ANO6: variants seen among roughly 807,000 people sequenced by gnomAD.
The protein encoded by ANO6 is anoctamin-6.
Under a neutral mutation model 117.5 loss-of-function variants are expected in ANO6, and 106 were observed. That is an observed-to-expected ratio of 0.90 (90% CI 0.77 to 1.06). ANO6 has a LOEUF of 1.06. ANO6 is among the 50% of genes least tolerant of loss of function. The probability of loss-of-function intolerance (pLI) is 0.00; values close to 1 mark genes in which losing one functional copy is unlikely to be tolerated. For missense variants in ANO6, 955 were observed against 1,121.1 expected (o/e 0.85, Z 2.12); for synonymous variants, 367 against 385.1 (o/e 0.95, Z 0.55).
chr12:45,357,371 A>G lies in ANO6; in HGVS notation c.945A>G (p.Val315=), dbSNP rs1414565021. The change falls in exon 8 of 20, where the codon GTA becomes GTG. Residue 315 remains valine, a synonymous_variant. Transcript: ENST00000320560. The part of the protein sequence containing the change: ...YTQMLLLAAV[V]GVACFLYGYL... ...AGATGCTTCTCCTGGCCGCAGTTGT[A>G]GGAGTGGCTTGCTTTCTCTATGGAT... 3 of 1,614,032 alleles carry G rather than the reference A, an allele frequency of 1.9e-6. No individual in the cohort carries two copies. Among genetic ancestry groups the G allele is most frequent in the Non-Finnish European group, 2.5e-6 (3 of 1,179,992 alleles).
rs1943632223 is a variant in ANO6 at position 45,431,522 on chromosome 12, G to A, written c.*2211G>A. 3.0e-6 allele frequency: 3 copies of A among 985,060 alleles called. No individual in the cohort carries two copies. In the African/African-American group the frequency reaches 5.3e-5, roughly 17 times the overall value. 61.0% of individuals were successfully genotyped at this position (985,060 alleles called of 1,614,324 possible). A position where few individuals can be genotyped will look rare whatever the true frequency, so the allele number is the denominator to read the frequency against. ...CTCTTCATAGATTAAATGTGCTGCT[G>A]TGGACAGGAGGGGAAAAAAAACCCT... is the stretch of plus-strand genomic sequence containing the variant. On this transcript the variant is annotated 3_prime_UTR_variant, in exon 20 of 20. Transcript: ENST00000320560.
chr12:45,220,169 A>G (rs1015747588), intron 1 of ANO6, among the ~76,000 whole-genome samples: 13 of 152,046 alleles, frequency 8.6e-5, no homozygotes, highest in Non-Finnish European at 1.8e-4. Flanking sequence ...GAAGGAGGAA[A>G]AGTGGTTCCA....
In ANO6 at chr12:45,375,120, TA is replaced by T. The variant is rs1941968439; in HGVS notation, c.1105-2929del. Among the ~76,000 whole-genome samples, 6 of 152,030 alleles carry T rather than the reference TA, an allele frequency of 3.9e-5. 1 individual carries two copies. On this transcript the variant is annotated intron_variant, in intron 9 of 19. Coordinates refer to ENST00000320560, the MANE Select transcript of ANO6 (RefSeq NM_001025356.3). ...CCATTCACAATTGCTTCAAAGAGAA[TA>T]AAATACCTAGGAATCCAACTTACAA...
Position 45,429,199 on chromosome 12 carries a change from C to A in ANO6, c.2621C>A (p.Thr874Asn). Residue 874 changes from threonine (T) to asparagine (N), a missense_variant, in exon 20 of 20, where the codon ACC becomes AAC. By Grantham distance (65) the Thr-to-Asn change is moderately conservative. Coordinates refer to ENST00000320560, the MANE Select transcript of ANO6 (RefSeq NM_001025356.3). ...KSKIQREKYL[T>N]QKLLHENHLK... ...AAGATCCAGAGAGAAAAATACCTAA[C>A]CCAAAAGCTTCTTCATGAGAATCAC... is the stretch of plus-strand genomic sequence containing the variant. The A allele has an allele frequency of 6.2e-7, 1 of 1,613,870 alleles. No individual in the cohort carries two copies. The highest frequency in any genetic ancestry group is 8.5e-7 in the Non-Finnish European group (1 of 1,179,916).
chr12:45,301,250 A>T (rs1008520034), intron 1 of ANO6, among the ~76,000 whole-genome samples: 3 of 2,144 alleles, frequency 1.4e-3, no homozygotes, highest in Non-Finnish European at 5.4e-3. Flanking sequence ...TTTTTTTTTA[A>T]AAACGTCTCT....
chr12:45,285,964 T>A (rs1156664597), intron 1 of ANO6, among the ~76,000 whole-genome samples: 2 of 152,134 alleles, frequency 1.3e-5, no homozygotes, highest in African/African-American at 4.8e-5. Context: ...TTAGTTAAGA[T>A]AGCCATTGCG....
At chr12:45,363,579 A>G (rs999844500) in intron 8 of ANO6, among the ~76,000 whole-genome samples, 4 of 150,872 alleles carry the variant, frequency 2.7e-5, no homozygotes, top group Admixed American at 6.6e-5. Flanking sequence ...AAAAAAAAAG[A>G]AAAAAGGGTG....
chr12:45,402,345 C>T (rs1161771013), intron 13 of ANO6, among the ~76,000 whole-genome samples: 2 of 152,150 alleles, frequency 1.3e-5, no homozygotes, highest in African/African-American at 4.8e-5. Context: ...GGAATAGGGT[C>T]ATGGTTCCGG....
intron 10 of ANO6, 138 bp downstream of exon 10, chr12:45,378,251 G>T (rs12230667): frequency 1.3e-6 from 1 of 795,246 alleles, no homozygotes; most frequent in Non-Finnish European, 2.0e-6. Context: ...ATAACTGAGG[G>T]CATTTATCAG....
intron 18 of ANO6, among the ~76,000 whole-genome samples, chr12:45,421,978 T>G (rs1212076995): frequency 2.0e-5 from 3 of 152,310 alleles, no homozygotes; most frequent in Admixed American, 2.0e-4. Context: ...CCTCAAAGCC[T>G]TCACTAACTC....
intron 1 of ANO6, among the ~76,000 whole-genome samples, chr12:45,225,992 A>G (rs984658215): frequency 6.6e-6 from 1 of 152,218 alleles, no homozygotes; most frequent in African/African-American, 2.4e-5. Flanking sequence ...TTGTCTTATG[A>G]CATTATTTTT....
intron 16 of ANO6, among the ~76,000 whole-genome samples, chr12:45,410,327 T>C (rs1362688588): frequency 1.3e-5 from 2 of 152,214 alleles, no homozygotes; most frequent in Non-Finnish European, 2.9e-5. Context: ...TTGAGTGACT[T>C]CATGGCTCAT....
intron 1 of ANO6, among the ~76,000 whole-genome samples, chr12:45,254,190 G>A (rs1937728980): frequency 6.6e-6 from 1 of 152,174 alleles, no homozygotes; most frequent in African/African-American, 2.4e-5. Flanking sequence ...CCATTCTTAC[G>A]AATGAGGAAG....
At chr12:45,393,756 G>A (rs1942525668) in intron 12 of ANO6, among the ~76,000 whole-genome samples, 1 of 152,116 alleles carries the variant, frequency 6.6e-6, no homozygotes, top group Non-Finnish European at 1.5e-5. Context: ...AGCTTCATAA[G>A]TGAAGGAGAA....
intron 7 of ANO6, among the ~76,000 whole-genome samples, chr12:45,354,744 A>G (rs1941367973): frequency 6.6e-6 from 1 of 152,260 alleles, no homozygotes; most frequent in Non-Finnish European, 1.5e-5. Flanking sequence ...AGAACAAGAT[A>G]TTGAGCAGGG....
At chr12:45,419,265 G>A (rs1042352371) in intron 17 of ANO6, among the ~76,000 whole-genome samples, 1 of 152,212 alleles carries the variant, frequency 6.6e-6, no homozygotes, top group Non-Finnish European at 1.5e-5. Flanking sequence ...TCTCAGAGCA[G>A]CTCAATTCAG....
Position 45,401,824 on chromosome 12 carries a change from G to C in ANO6, c.1416G>C (p.Gly472=). 6.2e-7 allele frequency: 1 copy of C among 1,613,440 alleles called. No homozygotes were observed. The highest frequency in any genetic ancestry group is 1.1e-5 in the South Asian group (1 of 91,026). The stretch of plus-strand genomic sequence containing the variant: ...TATTGATCATCGCTTCAGTTATTGG[G>C]ATCATTGTCTATAGGCTCTCGGTGT... ...WILLIIASVI[G]IIVYRLSVFI... Residue 472 remains glycine (G), a synonymous_variant, in exon 13 of 20, where the codon GGG becomes GGC. Transcript: ENST00000320560.
intron 1 of ANO6, among the ~76,000 whole-genome samples, chr12:45,230,937 G>T (rs1407914063): frequency 6.6e-6 from 1 of 152,058 alleles, no homozygotes; most frequent in Non-Finnish European, 1.5e-5. Context: ...ACGAAACCTT[G>T]TCTCTACAAA....
At chr12:45,259,887 C>A (rs1328675434) in intron 1 of ANO6, among the ~76,000 whole-genome samples, 1 of 152,232 alleles carries the variant, frequency 6.6e-6, no homozygotes, top group South Asian at 2.1e-4. Flanking sequence ...TAAAAGGCTG[C>A]AACAGCACTA....
Sources: gnomAD v4.1 joint callset for allele counts (sites outside exome capture counted in the v4.1 genomes callset) on GRCh38, gnomAD v4.1.1 for gene constraint, MANE v1.5 for transcripts, NCBI Gene and HGNC (gene_info 2026-07-23, HGNC 2026-07-21) for gene names.